The following KIAA1217 variants were observed in gnomAD, a reference collection of about 807,000 sequenced individuals.
KIAA1217 encodes the protein sickle tail protein homolog.
In KIAA1217, 88 loss-of-function variants were observed where a neutral mutation model predicts 163.9. The ratio of observed to expected loss-of-function variants is 0.54; its 90% CI spans 0.45 to 0.64. The LOEUF is 0.64. Among genes scored for constraint, KIAA1217 ranks in the 30% least tolerant of loss-of-function variants. The probability of loss-of-function intolerance (pLI) is 0.00; values close to 1 mark genes in which losing one functional copy is unlikely to be tolerated. For missense variants in KIAA1217, 2,372 were observed against 2,475.0 expected (o/e 0.96, Z 0.88); for synonymous variants, 903 against 923.1 (o/e 0.98, Z 0.39).
intron 3 of KIAA1217, among the ~76,000 whole-genome samples, chr10:24,432,622 ATT>A (rs61444543): frequency 2.7e-5 from 4 of 149,526 alleles, no homozygotes; most frequent in Non-Finnish European, 4.5e-5. Flanking sequence ...CACCCAGCTA[ATT>A]TTTTTTTTTC....
chr10:23,702,189 A>G (rs1314275448), intron 1 of KIAA1217, among the ~76,000 whole-genome samples: 1 of 151,910 alleles, frequency 6.6e-6, no homozygotes, highest in African/African-American at 2.4e-5. Flanking sequence ...TGTAACTGTA[A>G]AAGAGATGCA....
chr10:24,061,850 C>CCTTT, intron 2 of KIAA1217, among the ~76,000 whole-genome samples: 1 of 152,018 alleles, frequency 6.6e-6, no homozygotes, highest in Non-Finnish European at 1.5e-5. Context: ...TTATAACGTG[C>CCTTT]CTTTGTGTAT....
At chr10:24,021,387 C>G (rs1363669043) in intron 2 of KIAA1217, among the ~76,000 whole-genome samples, 1 of 151,802 alleles carries the variant, frequency 6.6e-6, no homozygotes, top group Non-Finnish European at 1.5e-5. Flanking sequence ...AGGTATAAAT[C>G]TAACTAAATA....
chr10:24,069,485 G>T (rs527446696), intron 2 of KIAA1217, among the ~76,000 whole-genome samples: 1 of 152,168 alleles, frequency 6.6e-6, no homozygotes, highest in South Asian at 2.1e-4. Flanking sequence ...TTTTCCTTTG[G>T]GCAGCACCCA....
intron 1 of KIAA1217, among the ~76,000 whole-genome samples, chr10:23,930,930 C>A (rs545472181): frequency 2.0e-5 from 3 of 152,236 alleles, no homozygotes; most frequent in African/African-American, 7.2e-5. Flanking sequence ...TGAAGATACA[C>A]CCAATTATAC....
intron 1 of KIAA1217, among the ~76,000 whole-genome samples, chr10:23,795,184 A>G (rs1306078813): frequency 6.6e-6 from 1 of 152,162 alleles, no homozygotes; most frequent in East Asian, 1.9e-4. Context: ...GAGAGAGATC[A>G]CTCAAGAAAG....
chr10:24,245,724 C>G (rs74683018), intron 2 of KIAA1217, among the ~76,000 whole-genome samples: 1 of 151,768 alleles, frequency 6.6e-6, no homozygotes, highest in Non-Finnish European at 1.5e-5. Flanking sequence ...CTCAACCTCC[C>G]GGGCTCAAGC....
intron 3 of KIAA1217, among the ~76,000 whole-genome samples, chr10:24,416,886 C>A (rs1360353313): frequency 6.6e-6 from 1 of 152,122 alleles, no homozygotes; most frequent in Non-Finnish European, 1.5e-5. Flanking sequence ...GGTGCATACA[C>A]CAATGTCAGG....
chr10:23,985,109 CCTT>C (rs932428295), intron 1 of KIAA1217, among the ~76,000 whole-genome samples: 1 of 152,044 alleles, frequency 6.6e-6, no homozygotes, highest in African/African-American at 2.4e-5. Context: ...CCAGCTAAAA[CCTT>C]CTCTTAGAGC....
intron 9 of KIAA1217, among the ~76,000 whole-genome samples, chr10:24,506,969 G>A (rs938208868): frequency 7.2e-5 from 11 of 152,186 alleles, no homozygotes; most frequent in South Asian, 4.1e-4. Context: ...AAACTAAGTC[G>A]GGGGCTGTAA....
chr10:24,128,197 T>A (rs2063533605), intron 2 of KIAA1217, among the ~76,000 whole-genome samples: 1 of 152,194 alleles, frequency 6.6e-6, no homozygotes, highest in Non-Finnish European at 1.5e-5. Context: ...CAGGCCCTGG[T>A]CAGTGGTTTA....
intron 1 of KIAA1217, among the ~76,000 whole-genome samples, chr10:24,001,586 A>G (rs1846746020): frequency 6.6e-6 from 1 of 152,202 alleles, no homozygotes; most frequent in African/African-American, 2.4e-5. Flanking sequence ...GTGTATTTTT[A>G]TTACCATCAT....
intron 5 of KIAA1217, among the ~76,000 whole-genome samples, chr10:24,469,367 C>T (rs921054475): frequency 5.3e-5 from 8 of 151,976 alleles, no homozygotes; most frequent in Non-Finnish European, 8.8e-5. Context: ...TCAAGTGATC[C>T]GCCCACCTCA....
intron 2 of KIAA1217, among the ~76,000 whole-genome samples, chr10:24,184,123 C>T (rs1381935789): frequency 1.3e-5 from 2 of 152,184 alleles, no homozygotes; most frequent in East Asian, 3.9e-4. Flanking sequence ...TAGCTTTCAA[C>T]AGAGCCAGTG....
intron 2 of KIAA1217, among the ~76,000 whole-genome samples, chr10:24,251,132 A>G (rs1233516794): frequency 6.6e-6 from 1 of 152,054 alleles, no homozygotes; most frequent in Non-Finnish European, 1.5e-5. Flanking sequence ...AGGCTGAGGC[A>G]TGAGAATCAC....
chr10:23,802,988 G>T (rs944120036), intron 1 of KIAA1217, among the ~76,000 whole-genome samples: 1 of 152,160 alleles, frequency 6.6e-6, no homozygotes, highest in African/African-American at 2.4e-5. Flanking sequence ...CCATGAGGTA[G>T]GTGCTATTAT....
chr10:24,060,631 C>T (rs1554851978), intron 2 of KIAA1217, among the ~76,000 whole-genome samples: 1 of 152,034 alleles, frequency 6.6e-6, no homozygotes, highest in Non-Finnish European at 1.5e-5. Context: ...TCTGTTTCTA[C>T]AAAAAAATTT....
intron 1 of KIAA1217, among the ~76,000 whole-genome samples, chr10:23,985,402 C>G (rs1404667290): frequency 2.0e-5 from 3 of 152,160 alleles, no homozygotes; most frequent in Non-Finnish European, 2.9e-5. Context: ...CTCATTCTGC[C>G]AACCTTTTGC....
intron 1 of KIAA1217, among the ~76,000 whole-genome samples, chr10:23,852,496 G>A (rs1250716697): frequency 4.6e-5 from 7 of 152,162 alleles, no homozygotes; most frequent in South Asian, 4.2e-4. Flanking sequence ...TTGGCGATGC[G>A]GGCTCTTTTT....
Sources: allele counts gnomAD v4.1 joint callset (sites outside exome capture counted in the v4.1 genomes callset), GRCh38; gene constraint gnomAD v4.1.1; transcripts MANE v1.5; gene names NCBI Gene and HGNC (gene_info 2026-07-23, HGNC 2026-07-21).